GABRB1: variants seen among roughly 807,000 people sequenced by gnomAD.
GABRB1 encodes the protein gamma-aminobutyric acid type A receptor subunit beta1, also known as gamma-aminobutyric acid receptor subunit beta-1.
Under a neutral mutation model 51.6 loss-of-function variants are expected in GABRB1, and 17 were observed. That is an observed-to-expected ratio of 0.33 (90% CI 0.23 to 0.49). The LOEUF is 0.49. GABRB1 is among the 20% of genes least tolerant of loss of function. The probability of loss-of-function intolerance (pLI) is 0.99; values close to 1 mark genes in which losing one functional copy is unlikely to be tolerated. For synonymous variants in GABRB1, 247 were observed against 218.9 expected, an observed-to-expected ratio of 1.13 and a Z score of -1.14; for missense variants, 410 against 600.6, an observed-to-expected ratio of 0.68 and a Z score of 3.32.
At chr4:47,244,832 C>T (rs1392880147) in intron 4 of GABRB1, among the ~76,000 whole-genome samples, 1 of 152,158 alleles carries the variant, frequency 6.6e-6, no homozygotes, top group Non-Finnish European at 1.5e-5. Flanking sequence ...ATCTCTGGGA[C>T]ACATTTAAAG....
intron 1 of GABRB1, among the ~76,000 whole-genome samples, chr4:47,019,384 C>T (rs1045693517): frequency 3.9e-5 from 6 of 152,214 alleles, no homozygotes; most frequent in Middle Eastern, 3.4e-3. Flanking sequence ...TTTCTACCTA[C>T]GCTCACAATA....
intron 3 of GABRB1, among the ~76,000 whole-genome samples, chr4:47,132,422 G>T (rs2882621): frequency 1.2e-5 from 1 of 81,360 alleles, no homozygotes; most frequent in African/African-American, 5.3e-5. Flanking sequence ...GTTTGGTTTG[G>T]TTTGGTTTGG....
At chr4:46,993,717 G>T, upstream of GABRB1, 2 of 318,102 alleles carry the variant, frequency 6.3e-6, no homozygotes, top group Non-Finnish European at 1.2e-5. Flanking sequence ...TCTGGGGTTC[G>T]TATCCGCGCG....
intron 3 of GABRB1, among the ~76,000 whole-genome samples, chr4:47,080,964 A>G (rs1727818364): frequency 6.6e-6 from 1 of 152,176 alleles, no homozygotes; most frequent in Non-Finnish European, 1.5e-5. Flanking sequence ...CTCAATATGC[A>G]AGGCCAGTGA....
At chr4:47,299,478 C>T (rs1022327910) in intron 4 of GABRB1, among the ~76,000 whole-genome samples, 1 of 152,140 alleles carries the variant, frequency 6.6e-6, no homozygotes, top group Non-Finnish European at 1.5e-5. Flanking sequence ...AGCCAAAAAA[C>T]ACATGAAAAA....
At chr4:47,202,008 T>C (rs1719917027) in intron 4 of GABRB1, among the ~76,000 whole-genome samples, 1 of 152,184 alleles carries the variant, frequency 6.6e-6, no homozygotes, top group African/African-American at 2.4e-5. Context: ...CTGTCTAGTC[T>C]CTCCATCCTC....
intron 3 of GABRB1, among the ~76,000 whole-genome samples, chr4:47,150,697 TTGCCTACC>T (rs1259908792): frequency 6.6e-6 from 1 of 151,478 alleles, no homozygotes; most frequent in Non-Finnish European, 1.5e-5. Flanking sequence ...ATACACAAAA[TTGCCTACC>T]ACATTATTAA....
chr4:47,249,359 G>T (rs992933225), intron 4 of GABRB1, among the ~76,000 whole-genome samples: 12 of 152,004 alleles, frequency 7.9e-5, no homozygotes, highest in African/African-American at 2.2e-4. Context: ...TTATTCCACT[G>T]TGACCTGAGA....
rs561679036 is a variant in GABRB1, at chr4:47,008,247, T to C, written c.-20+14321T>C. On this transcript the variant is annotated intron_variant, in intron 1 of 3. Coordinates refer to the GABRB1 transcript ENST00000513567. The stretch of plus-strand genomic sequence containing the variant: ...GAGGGCAGAAAACTAGAGATGATCA[T>C]TGTGGGACAACCAAAAGTGCCCTAT... Among the ~76,000 whole-genome samples, 3 of 152,204 alleles carry C rather than the reference T, an allele frequency of 2.0e-5. No homozygotes were observed. The East Asian group carries it at 5.8e-4, about 30-fold the overall frequency.
intron 8 of GABRB1, among the ~76,000 whole-genome samples, chr4:47,415,854 C>G (rs912743162): frequency 1.3e-5 from 2 of 152,178 alleles, no homozygotes; most frequent in African/African-American, 2.4e-5. Flanking sequence ...AACCACAACC[C>G]TGGAGATCCT....
At chr4:47,334,315 C>G (rs76388833) in intron 5 of GABRB1, among the ~76,000 whole-genome samples, 4 of 152,074 alleles carry the variant, frequency 2.6e-5, no homozygotes, top group South Asian at 4.2e-4. Context: ...ATTTTCCCAG[C>G]CTGTTTGCTT....
intron 3 of GABRB1, among the ~76,000 whole-genome samples, chr4:47,078,227 G>A (rs1727660251): frequency 1.3e-5 from 2 of 151,492 alleles, no homozygotes; most frequent in Admixed American, 1.3e-4. Context: ...AACCTCAGAT[G>A]ATCTGCCTCA....
At chr4:47,306,321 G>T (rs1451964702) in intron 4 of GABRB1, among the ~76,000 whole-genome samples, 1 of 151,006 alleles carries the variant, frequency 6.6e-6, no homozygotes, top group African/African-American at 2.4e-5. Flanking sequence ...GGAGGGGTGG[G>T]GTAGGAGGAA....
chr4:47,271,352 A>G (rs539449801), intron 4 of GABRB1, among the ~76,000 whole-genome samples: 111 of 152,314 alleles, frequency 7.3e-4, no homozygotes, highest in African/African-American at 2.5e-3. Flanking sequence ...GTAGATAATC[A>G]TGTGGGTGGC....
chr4:47,125,627 C>T (rs919233170), intron 3 of GABRB1, among the ~76,000 whole-genome samples: 13 of 121,956 alleles, frequency 1.1e-4, no homozygotes, highest in Non-Finnish European at 1.9e-4. Flanking sequence ...GGGATCTCGG[C>T]TCACTGCAAG....
intron 5 of GABRB1, among the ~76,000 whole-genome samples, chr4:47,357,347 T>A (rs1382257203): frequency 6.6e-6 from 1 of 152,172 alleles, no homozygotes; most frequent in Non-Finnish European, 1.5e-5. Flanking sequence ...GAAGAGTTTC[T>A]ATGGCCAGTA....
intron 3 of GABRB1, among the ~76,000 whole-genome samples, chr4:47,144,910 G>A (rs533065386): frequency 4.6e-5 from 7 of 152,018 alleles, no homozygotes; most frequent in East Asian, 1.9e-4. Context: ...ATGCCAAGCC[G>A]AATGTATGAT....
chr4:47,279,859 T>A lies in GABRB1; in HGVS notation c.462-40268T>A, dbSNP rs186430461. ...ATATAGTTTGGTCTTTTTTTTTTTT[T>A]AAATTCATTCAGTCACTCCTTAGAG... On this transcript the variant is annotated intron_variant, in intron 4 of 8. Transcript: ENST00000295454. Among the ~76,000 whole-genome samples, 598 of 151,810 alleles carry A rather than the reference T, an allele frequency of 3.9e-3. 6 individuals carry two copies. Among genetic ancestry groups the A allele is most frequent in the African/African-American group, 0.012 (513 of 41,468 alleles).
intron 3 of GABRB1, 88 bp from the exon 4 acceptor site, chr4:47,161,161 C>A (rs1229222193): frequency 4.5e-6 from 4 of 889,134 alleles, no homozygotes; most frequent in African/African-American, 1.7e-5. Context: ...CAAATGTAAT[C>A]TCTTACAGGA....
Sources: gnomAD v4.1 joint callset for allele counts (sites outside exome capture counted in the v4.1 genomes callset) on GRCh38, gnomAD v4.1.1 for gene constraint, MANE v1.5 for transcripts, NCBI Gene and HGNC (gene_info 2026-07-23, HGNC 2026-07-21) for gene names.